The following ELAVL4 variants were observed in gnomAD, a reference collection of about 807,000 sequenced individuals.
The protein encoded by ELAVL4 is ELAV-like protein 4.
Under a neutral mutation model 35.6 loss-of-function variants are expected in ELAVL4, and 1 was observed. That is an observed-to-expected ratio of 0.03 (90% CI 0.01 to 0.13). The LOEUF (loss-of-function observed/expected upper bound fraction) is 0.13. Ranked by LOEUF, ELAVL4 falls within the 10% of genes least tolerant of loss-of-function variation. The probability of loss-of-function intolerance (pLI) is 1.00; values close to 1 mark genes in which losing one functional copy is unlikely to be tolerated. For synonymous variants in ELAVL4, 156 were observed against 171.0 expected (o/e 0.91, Z 0.69); for missense variants, 267 against 464.9 (o/e 0.57, Z 3.91).
intron 2 of ELAVL4, among the ~76,000 whole-genome samples, chr1:50,158,480 C>G (rs1360808165): frequency 6.6e-6 from 1 of 152,150 alleles, no homozygotes; most frequent in African/African-American, 2.4e-5. Context: ...ACTATCCATA[C>G]AGCCACACAC....
chr1:50,057,350 A>G (rs1440820661), intron 1 of ELAVL4, among the ~76,000 whole-genome samples: 1 of 152,186 alleles, frequency 6.6e-6, no homozygotes, highest in African/African-American at 2.4e-5. Flanking sequence ...ACAGAAGCTA[A>G]AGTTAATTTA....
upstream of ELAVL4, chr1:50,103,760 G>T: frequency 1.6e-6 from 1 of 637,254 alleles, no homozygotes. Flanking sequence ...ATATGTGTGT[G>T]TGTGGATATG....
At chr1:50,149,758 G>A (rs923339294) in intron 2 of ELAVL4, among the ~76,000 whole-genome samples, 1 of 151,956 alleles carries the variant, frequency 6.6e-6, no homozygotes, top group African/African-American at 2.4e-5. Flanking sequence ...TGGCCAGGCT[G>A]GTCTCAAACT....
At chr1:50,099,315 C>T (rs1572172363), upstream of ELAVL4, among the ~76,000 whole-genome samples, 1 of 152,146 alleles carries the variant, frequency 6.6e-6, no homozygotes, top group East Asian at 1.9e-4. Context: ...AATCCCAGCA[C>T]TTTGGGAGGC....
intron 6 of ELAVL4, among the ~76,000 whole-genome samples, chr1:50,200,519 G>C (rs574067170): frequency 6.6e-6 from 1 of 152,184 alleles, no homozygotes; most frequent in African/African-American, 2.4e-5. Context: ...GTGGAGTCGG[G>C]GTGGGGTGGA....
At chr1:50,125,553 G>A (rs1207731944) in intron 1 of ELAVL4, among the ~76,000 whole-genome samples, 1 of 152,072 alleles carries the variant, frequency 6.6e-6, no homozygotes, top group Admixed American at 6.6e-5. Context: ...TTGGACTGAG[G>A]TGTCTGAGCC....
chr1:50,094,766 A>AAATG lies in ELAVL4; in HGVS notation c.18+46587_18+46588insGAAT, dbSNP rs780340943. Among the ~76,000 whole-genome samples, 1,123 of 150,904 alleles carry AAATG rather than the reference A, an allele frequency of 7.4e-3. 7 individuals are homozygous for AAATG. The highest frequency in any genetic ancestry group is 0.012 in the Non-Finnish European group (810 of 67,706). ...ACAATAAATAAATAAATAAATAAAT[A>AAATG]AATAAATAAATAAATTAGCTGGGCT... is the stretch of plus-strand genomic sequence containing the variant. On this transcript the variant is annotated intron_variant, in intron 1 of 6. Transcript: ENST00000448907.
chr1:50,193,773 T>C lies in ELAVL4; in HGVS notation c.363T>C (p.Tyr121=). The C allele has an allele frequency of 6.2e-7, 1 of 1,613,746 alleles. No individual in the cohort carries two copies. The highest frequency in any genetic ancestry group is 8.5e-7 in the Non-Finnish European group (1 of 1,179,858). The change falls in exon 4 of 7, where the codon TAT becomes TAC. Residue 121 remains tyrosine (Y), a synonymous_variant. Transcript: ENST00000371824. The part of the protein sequence containing the change: ...RLQTKTIKVS[Y]ARPSSASIRD... ...CTCTTGCCTTTTCCTAGGTCTCATA[T>C]GCCCGTCCGAGCTCTGCCTCAATCA...
intron 2 of ELAVL4, among the ~76,000 whole-genome samples, chr1:50,166,165 G>A (rs956526208): frequency 2.0e-5 from 3 of 151,976 alleles, no homozygotes; most frequent in African/African-American, 7.2e-5. Flanking sequence ...ATACTTTGTA[G>A]CCTTCAATCC....
chr1:50,120,999 G>A (rs1434167720), intron 1 of ELAVL4, among the ~76,000 whole-genome samples: 2 of 152,060 alleles, frequency 1.3e-5, no homozygotes, highest in African/African-American at 4.8e-5. Context: ...TCATCTGTTA[G>A]CCCTGGAGGG....
chr1:50,115,774 T>C (rs1667844724), intron 1 of ELAVL4, among the ~76,000 whole-genome samples: 1 of 152,190 alleles, frequency 6.6e-6, no homozygotes, highest in Non-Finnish European at 1.5e-5. Context: ...AGACTGACTG[T>C]CATTCCTTGT....
At chr1:50,185,635 G>A (rs1038069607) in intron 3 of ELAVL4, among the ~76,000 whole-genome samples, 3 of 152,134 alleles carry the variant, frequency 2.0e-5, no homozygotes, top group African/African-American at 4.8e-5. Context: ...GTAGGGAATC[G>A]TAGCTTACAG....
intron 1 of ELAVL4, among the ~76,000 whole-genome samples, chr1:50,112,265 C>G (rs1667201932): frequency 6.6e-6 from 1 of 151,950 alleles, no homozygotes; most frequent in Non-Finnish European, 1.5e-5. Flanking sequence ...TTTTTTAAGT[C>G]TCCAATATAG....
chr1:50,058,740 A>G (rs1663812226), intron 1 of ELAVL4, among the ~76,000 whole-genome samples: 1 of 151,410 alleles, frequency 6.6e-6, no homozygotes, highest in Non-Finnish European at 1.5e-5. Flanking sequence ...CAGCCTCCTT[A>G]GTAGCTAGGA....
At chr1:50,055,278 T>C (rs1663595274) in intron 1 of ELAVL4, among the ~76,000 whole-genome samples, 1 of 150,686 alleles carries the variant, frequency 6.6e-6, no homozygotes, top group South Asian at 2.1e-4. Flanking sequence ...TGTTTTGTTT[T>C]TTTTTTGTTT....
chr1:50,186,306 T>G (rs1572587976), intron 3 of ELAVL4, among the ~76,000 whole-genome samples: 1 of 152,328 alleles, frequency 6.6e-6, no homozygotes, highest in East Asian at 1.9e-4. Flanking sequence ...CATTTTTTTT[T>G]GAGCTCTTGC....
intron 2 of ELAVL4, among the ~76,000 whole-genome samples, chr1:50,161,883 C>T (rs1026986793): frequency 2.0e-5 from 3 of 152,192 alleles, no homozygotes; most frequent in South Asian, 2.1e-4. Flanking sequence ...AGCCACTGCA[C>T]GCAGCAGTTG....
intron 1 of ELAVL4, among the ~76,000 whole-genome samples, chr1:50,084,280 T>C (rs1299435626): frequency 6.6e-6 from 1 of 152,182 alleles, no homozygotes; most frequent in African/African-American, 2.4e-5. Context: ...AACTCTGTTG[T>C]AGGGTAGGTG....
chr1:50,059,762 G>A, intron 1 of ELAVL4, among the ~76,000 whole-genome samples: 1 of 151,776 alleles, frequency 6.6e-6, no homozygotes, highest in East Asian at 1.9e-4. Context: ...TAATGCAGTG[G>A]AATATTATTC....
Sources: gnomAD v4.1 joint callset for allele counts (sites outside exome capture counted in the v4.1 genomes callset) on GRCh38, gnomAD v4.1.1 for gene constraint, MANE v1.5 for transcripts, NCBI Gene and HGNC (gene_info 2026-07-23, HGNC 2026-07-21) for gene names.